Variants in ACAP1 observed in about 807,000 individuals in gnomAD.
The protein encoded by ACAP1 is ArfGAP with coiled-coil, ankyrin repeat and PH domains 1, also known as arf-GAP with coiled-coil, ANK repeat and PH domain-containing protein 1.
Under a neutral mutation model 98.8 loss-of-function variants are expected in ACAP1, and 45 were observed. The observed-to-expected ratio is 0.46, with a 90% CI of 0.36 to 0.58. ACAP1 has a LOEUF of 0.58. Ranked by LOEUF, ACAP1 falls within the 20% of genes least tolerant of loss-of-function variation. The pLI is 0.00. For missense variants in ACAP1, 735 were observed against 971.4 expected (o/e 0.76, Z 3.24); for synonymous variants, 362 against 375.3 (o/e 0.96, Z 0.41).
rs1371364238 is a variant in ACAP1, at chr17:7,350,609, GTCTT to G, written c.2073-339_2073-336del. 2.8e-6 allele frequency: 1 copy of G among 361,096 alleles called. No homozygotes were observed. Among genetic ancestry groups the G allele is most frequent in the Non-Finnish European group, 4.9e-6 (1 of 204,852 alleles). 22.4% of individuals were successfully genotyped at this position (361,096 alleles called of 1,614,324 possible). ...GGAAGTTGTGGGGGAGGTGAGGATA[GTCTT>G]TTTTTTTTTTTTTGAGACGGAGTCT... On this transcript the variant is annotated intron_variant, in intron 20 of 21. Coordinates refer to ENST00000158762, the MANE Select transcript of ACAP1 (RefSeq NM_014716.4). This position sits in a 1 kb window ranked among gnomAD's most constrained non-coding sequence, Gnocchi z 4.6.
chr17:7,346,573 C>A, intron 12 of ACAP1, 82 bp downstream of exon 12: 1 of 1,304,098 alleles, frequency 7.7e-7, no homozygotes, highest in Non-Finnish European at 1.1e-6. Context: ...ACAATGGAGG[C>A]CCCCCATGCA....
At position 7,350,500 on chromosome 17, in the gene ACAP1, A is replaced by G. The variant is rs551514148; in HGVS notation, c.2072+263A>G. 394 of 537,878 alleles carry G rather than the reference A, an allele frequency of 7.3e-4. No individual in the cohort carries two copies. The highest frequency in any genetic ancestry group is 1.2e-3 in the Non-Finnish European group (359 of 301,638). 33.3% of individuals were successfully genotyped at this position (537,878 alleles called of 1,614,324 possible). A position where few individuals can be genotyped will look rare whatever the true frequency, so the allele number is the denominator to read the frequency against. On this transcript the variant is annotated intron_variant, in intron 20 of 21. Transcript: ENST00000158762. This position sits in a 1 kb window ranked among gnomAD's most constrained non-coding sequence, Gnocchi z 4.6. ...TGAGAGGCGTAATTCGCCCATCAAC[A>G]TTGCTGTCAGGCATCTTTTTAGCAC... is the stretch of plus-strand genomic sequence containing the variant.
In ACAP1 at chr17:7,337,507, A is replaced by G. The variant is rs1200743431; in HGVS notation, c.111+138A>G. The G allele has an allele frequency of 5.2e-6, 4 of 774,976 alleles. No homozygotes were observed. In the African/African-American group the frequency reaches 7.0e-5, roughly 13 times the overall value. 48.0% of individuals were successfully genotyped at this position (774,976 alleles called of 1,614,324 possible). A position where few individuals can be genotyped will look rare whatever the true frequency, so the allele number is the denominator to read the frequency against. Reference sequence around the variant, plus strand: ...GGGAGATATTTTGGAGACTGCAGAGAAGCAAAAAAGGTGGTTCTGTACCGA... The same window carrying G: ...GGGAGATATTTTGGAGACTGCAGAGGAGCAAAAAAGGTGGTTCTGTACCGA... On this transcript the variant is annotated intron_variant, in intron 2 of 21. Transcript: ENST00000158762.
intron 5 of ACAP1, chr17:7,342,723 A>G (rs983344042): frequency 3.6e-6 from 2 of 555,526 alleles, no homozygotes; most frequent in African/African-American, 3.8e-5. Context: ...AACATGGCAA[A>G]ACCCCAGCTC....
In ACAP1 at chr17:7,342,264, T is replaced by A. The variant is rs142518938; in HGVS notation, c.232-11T>A. 1.9e-6 allele frequency: 3 copies of A among 1,614,032 alleles called. No individual in the cohort carries two copies. In the South Asian group the frequency reaches 3.3e-5, roughly 18 times the overall value. On this transcript the variant is annotated splice_polypyrimidine_tract_variant and intron_variant, in intron 3 of 21. Transcript: ENST00000158762. Reference sequence around the variant, plus strand: ...ATGCCTGGTACTCTTTCTGTGCCTCTTCTTGCCTAGGAGTGTCTGGAAAAA... The same window carrying A: ...ATGCCTGGTACTCTTTCTGTGCCTCATCTTGCCTAGGAGTGTCTGGAAAAA...
intron 11 of ACAP1, 36 bp from the exon 12 acceptor site, chr17:7,346,355 C>T (rs371688631): frequency 2.5e-6 from 4 of 1,613,588 alleles, no homozygotes; most frequent in African/African-American, 1.3e-5. Context: ...TTGCCTGCAG[C>T]TGGACATCTG....
chr17:7,351,452 A>G lies in ACAP1; in HGVS notation c.*57A>G, dbSNP rs1341814212. 2 of 1,310,028 alleles carry G rather than the reference A, an allele frequency of 1.5e-6. No homozygotes were observed. The highest frequency in any genetic ancestry group is 2.2e-6 in the Non-Finnish European group (2 of 927,322). The allele number at this position is 1,310,028 out of a possible 1,614,324, so 81.2% of individuals were successfully genotyped here. A position where few individuals can be genotyped will look rare whatever the true frequency, so the allele number is the denominator to read the frequency against. On this transcript the variant is annotated 3_prime_UTR_variant, in exon 22 of 22. Transcript: ENST00000158762. Reference sequence around the variant, plus strand: ...CTTCCCCGCCACCGGGCCCTCTGCCATTAAAGCCTCCGTGCTTCGCTCTTC... The same window carrying G: ...CTTCCCCGCCACCGGGCCCTCTGCCGTTAAAGCCTCCGTGCTTCGCTCTTC...
In ACAP1 at chr17:7,350,070, T is replaced by TG; in HGVS notation, c.1961+20dup. On this transcript the variant is annotated intron_variant, in intron 19 of 21. Coordinates refer to ENST00000158762, the MANE Select transcript of ACAP1 (RefSeq NM_014716.4). The surrounding 1 kb of genome is among the most constrained non-coding windows in gnomAD (Gnocchi z 4.6). Reference sequence around the variant, plus strand: ...GCCACACGGGGTAGGGATGATGGCATGGGGAGGAAGGCTGGGAGAAGTTGG... The same window carrying TG: ...GCCACACGGGGTAGGGATGATGGCATGGGGGAGGAAGGCTGGGAGAAGTTGG... 3 of 1,612,730 alleles carry TG rather than the reference T, an allele frequency of 1.9e-6. No homozygotes were observed. The highest frequency in any genetic ancestry group is 2.5e-6 in the Non-Finnish European group (3 of 1,178,936).
intron 2 of ACAP1, among the ~76,000 whole-genome samples, chr17:7,341,211 C>T (rs201242249): frequency 1.3e-4 from 20 of 152,322 alleles, no homozygotes; most frequent in East Asian, 7.7e-4. Flanking sequence ...AGTGCAGTAG[C>T]GCCATCTCGG....
chr17:7,337,892 C>G (rs1438122770), intron 2 of ACAP1, among the ~76,000 whole-genome samples: 1 of 151,946 alleles, frequency 6.6e-6, no homozygotes, highest in Non-Finnish European at 1.5e-5. Context: ...CCTTGTTCTG[C>G]TCTTGAGCTC....
In ACAP1 at chr17:7,346,908, G is replaced by T; in HGVS notation, c.1108G>T (p.Asp370Tyr). 1 of 1,612,794 alleles carries T rather than the reference G, an allele frequency of 6.2e-7. No homozygotes were observed. The change falls in exon 13 of 22, where the codon GAC becomes TAC. Residue 370 changes from aspartate to tyrosine, a missense_variant. Around this residue, in one of 5 missense-constraint regions of ACAP1, gnomAD observed 430 missense variants for 531.8 expected, o/e 0.81. Transcript: ENST00000158762. ...ASAFSQARLD[D>Y]SPRGPGQGSG... ...TGCCTTCAGTCAGGCTCGCCTTGAT[G>T]ACAGCCCCCGGGGTCCAGGCCAGGT...
In ACAP1 at chr17:7,344,807, T is replaced by C. The variant is rs2073331349; in HGVS notation, c.854+159T>C. ...ACAGAGGATAAACCTAGTATGTAAA[T>C]TACGTGCTATGTTAGAAGGTGATAG... is the stretch of plus-strand genomic sequence containing the variant. On this transcript the variant is annotated intron_variant, in intron 10 of 21. Transcript: ENST00000158762. This position sits in a 1 kb window ranked among gnomAD's most constrained non-coding sequence, Gnocchi z 4.9. 2.0e-5 allele frequency among the ~76,000 whole-genome samples: 3 copies of C among 152,094 alleles called. No homozygotes were observed. The highest frequency in any genetic ancestry group is 6.5e-5 in the Admixed American group (1 of 15,268).
chr17:7,336,840 G>A, intron 1 of ACAP1, 53 bp downstream of exon 1: 1 of 1,575,406 alleles, frequency 6.3e-7, no homozygotes, highest in Non-Finnish European at 8.7e-7. Flanking sequence ...AACACCCCCA[G>A]CACACACACA....
Position 7,343,165 on chromosome 17 carries a change from C to T in ACAP1, c.345-214C>T, listed in dbSNP as rs895052551. The T allele has an allele frequency of 6.2e-6, 3 of 486,932 alleles. No homozygotes were observed. The highest frequency in any genetic ancestry group is 1.1e-5 in the Non-Finnish European group (3 of 278,372). The allele number at this position is 486,932 out of a possible 1,614,324, so 30.2% of individuals were successfully genotyped here. On this transcript the variant is annotated intron_variant, in intron 5 of 21. Transcript: ENST00000158762. The surrounding 1 kb of genome is among the most constrained non-coding windows in gnomAD (Gnocchi z 4.9). ...GGGGGCCTTATTTCTCGGAAACCAG[C>T]CCTGCTGCCCTCTTCCCATGGCCAC... is the stretch of plus-strand genomic sequence containing the variant.
rs1391572360 is a variant in ACAP1, at chr17:7,349,032, G to T, written c.1716G>T (p.Gly572=). The change falls in exon 18 of 22, where the codon GGG becomes GGT. Residue 572 remains glycine (G), a synonymous_variant. Transcript: ENST00000158762. ...PSEDLGSLHP[G]ALLFRASGHP... ...AGGACCTGGGAAGCCTGCACCCTGG[G>T]GCCCTACTGTTTCGAGCGTCTGGGC... 1.2e-6 allele frequency: 2 copies of T among 1,613,718 alleles called. No homozygotes were observed. The highest frequency in any genetic ancestry group is 1.7e-6 in the Non-Finnish European group (2 of 1,179,972).
At position 7,350,265 on chromosome 17, in the gene ACAP1, G is replaced by A. The variant is rs767766243; in HGVS notation, c.2072+28G>A. On this transcript the variant is annotated intron_variant, in intron 20 of 21. Transcript: ENST00000158762. The surrounding 1 kb of genome is among the most constrained non-coding windows in gnomAD (Gnocchi z 4.6). Reference sequence around the variant, plus strand: ...AAGAATGCCTGAAGGGGCGGGGCTGGCGCTGGGACTCCCCCCACCCCCGCC... The same window carrying A: ...AAGAATGCCTGAAGGGGCGGGGCTGACGCTGGGACTCCCCCCACCCCCGCC... 1.8e-5 allele frequency: 29 copies of A among 1,589,900 alleles called. No individual in the cohort carries two copies. The East Asian group carries it at 6.5e-4, about 36-fold the overall frequency.
intron 2 of ACAP1, among the ~76,000 whole-genome samples, chr17:7,338,180 G>A (rs1284990450): frequency 6.6e-6 from 1 of 152,110 alleles, no homozygotes; most frequent in Non-Finnish European, 1.5e-5. Context: ...GTAACAAATT[G>A]TCACAAATTT....
rs770174841 is a variant in ACAP1, at chr17:7,343,711, C to T, written c.534C>T (p.Asn178=). The T allele has an allele frequency of 2.5e-5, 40 of 1,613,932 alleles. No individual in the cohort carries two copies. Among genetic ancestry groups the T allele is most frequent in the Admixed American group, 3.3e-5 (2 of 59,984 alleles). The stretch of plus-strand genomic sequence containing the variant: ...GTCCTCTTTTACGTCCTCAGATCAA[C>T]GTGATTGAGGACAAGAGGAAGTTTG... ...GRALDYALQI[N]VIEDKRKFDI... Residue 178 remains asparagine, a synonymous_variant, in exon 7 of 22, where the codon AAC becomes AAT. Transcript: ENST00000158762. The surrounding 1 kb of genome is among the most constrained non-coding windows in gnomAD (Gnocchi z 4.9).
chr17:7,347,457 A>G (rs956589869), intron 14 of ACAP1: 143 of 546,528 alleles, frequency 2.6e-4, no homozygotes, highest in Non-Finnish European at 4.1e-4. Flanking sequence ...TCTGGCCAGA[A>G]TTGGGGGATA....
Sources: allele counts gnomAD v4.1 joint callset (sites outside exome capture counted in the v4.1 genomes callset), GRCh38; gene constraint gnomAD v4.1.1; regional missense constraint gnomAD v4.1.1; non-coding constraint Gnocchi (gnomAD v3.1); transcripts MANE v1.5; gene names NCBI Gene and HGNC (gene_info 2026-07-23, HGNC 2026-07-21).